Variants in BIRC6 observed in about 807,000 individuals in gnomAD.
BIRC6 encodes baculoviral IAP repeat containing 6.
Under a neutral mutation model 503.3 loss-of-function variants are expected in BIRC6, and 98 were observed. The ratio of observed to expected loss-of-function variants is 0.19; its 90% CI spans 0.17 to 0.23. BIRC6 has a LOEUF of 0.23. BIRC6 is among the 10% of genes least tolerant of loss of function. The pLI is 1.00. For synonymous variants in BIRC6, 2,240 were observed against 2,078.7 expected (o/e 1.08, Z -2.11); for missense variants, 5,360 against 5,806.0 (o/e 0.92, Z 2.50).
chr2:32,497,726 G>T (rs780048205), intron 45 of BIRC6, among the ~76,000 whole-genome samples: 8 of 152,014 alleles, frequency 5.3e-5, no homozygotes, highest in Non-Finnish European at 1.0e-4. Context: ...CTGGCTAGAA[G>T]TTCATCAATA....
chr2:32,547,952 G>A lies in BIRC6; in HGVS notation c.12913G>A (p.Asp4305Asn). The A allele has an allele frequency of 6.2e-7, 1 of 1,613,714 alleles. No individual in the cohort carries two copies. The highest frequency in any genetic ancestry group is 8.5e-7 in the Non-Finnish European group (1 of 1,179,758). The change falls in exon 64 of 74, where the codon GAT (aspartate) becomes AAT (asparagine). Residue 4305 changes from aspartate (D) to asparagine (N), a missense_variant. Asp to Asn is a conservative substitution (Grantham distance 23). This residue lies in a region of BIRC6 where 477 missense variants were observed against 574.4 expected (regional missense o/e 0.83). Coordinates refer to ENST00000421745, the MANE Select transcript of BIRC6 (RefSeq NM_016252.4). ...AACAGGCTCTACAGCTTCTGGGTGG[G>A]ATGTGGAACAAGCCTTAACTAAGCA... Reference protein sequence around the residue: ...FGTGSTASGWDVEQALTKQRL... With the variant: ...FGTGSTASGWNVEQALTKQRL...
At chr2:32,513,201 G>C (rs763677634) in intron 54 of BIRC6, 47 bp downstream of exon 54, 13 of 1,427,540 alleles carry the variant, frequency 9.1e-6, no homozygotes, top group East Asian at 2.3e-5. Flanking sequence ...TACTAGATCA[G>C]TTAGTGTTCA....
chr2:32,584,561 T>A (rs1050886328), intron 66 of BIRC6, among the ~76,000 whole-genome samples: 1 of 152,098 alleles, frequency 6.6e-6, no homozygotes, highest in Non-Finnish European at 1.5e-5. Context: ...AAAAGTTTTT[T>A]AAAACCTAAA....
intron 3 of BIRC6, among the ~76,000 whole-genome samples, chr2:32,380,768 AT>A (rs2149406727): frequency 6.6e-6 from 1 of 152,276 alleles, no homozygotes; most frequent in South Asian, 2.1e-4. Context: ...AAACTTCTTA[AT>A]CGAAGCTTAA....
At chr2:32,494,736 TA>T (rs973989734) in intron 45 of BIRC6, among the ~76,000 whole-genome samples, 4 of 149,168 alleles carry the variant, frequency 2.7e-5, no homozygotes, top group African/African-American at 7.4e-5. Context: ...ACCCCTTCTC[TA>T]AAAAAAAAGA....
At chr2:32,501,585 G>A in intron 46 of BIRC6, 128 bp from the exon 47 acceptor site, 2 of 637,386 alleles carry the variant, frequency 3.1e-6, no homozygotes, top group Non-Finnish European at 5.2e-6. Flanking sequence ...TGGCCAGGCT[G>A]GTTTTGAACT....
At chr2:32,604,037 A>G (rs1358387532) in intron 71 of BIRC6, among the ~76,000 whole-genome samples, 3 of 152,074 alleles carry the variant, frequency 2.0e-5, no homozygotes, top group Admixed American at 2.0e-4. Context: ...TTGATCAGAC[A>G]GTTCATGCTG....
Position 32,465,054 on chromosome 2 carries a change from C to G in BIRC6, c.5257-11C>G. 1 of 1,487,148 alleles carries G rather than the reference C, an allele frequency of 6.7e-7. No individual in the cohort carries two copies. Among genetic ancestry groups the G allele is most frequent in the Non-Finnish European group, 9.1e-7 (1 of 1,098,480 alleles). 92.1% of individuals were successfully genotyped at this position (1,487,148 alleles called of 1,614,324 possible). ...ATATAAAGTTAGATTTTTTTTTTTT[C>G]CCTGCTCTAGAATCCACTTGGTTCT... On this transcript the variant is annotated splice_polypyrimidine_tract_variant and intron_variant, in intron 25 of 73. Transcript: ENST00000421745.
chr2:32,358,833 C>A (rs1014476198), intron 1 of BIRC6, among the ~76,000 whole-genome samples: 1 of 152,078 alleles, frequency 6.6e-6, no homozygotes, highest in Admixed American at 6.6e-5. Context: ...GTAATTTTTT[C>A]TTTTCTTGGC....
chr2:32,511,813 C>G (rs1046553173), intron 53 of BIRC6, among the ~76,000 whole-genome samples: 11 of 151,718 alleles, frequency 7.3e-5, no homozygotes, highest in African/African-American at 2.4e-4. Flanking sequence ...TTATTAATAT[C>G]TTTATAAATT....
Position 32,463,348 on chromosome 2 carries a change from G to A in BIRC6, c.4908G>A (p.Glu1636=), listed in dbSNP as rs748895005. ...AGCAACAGCTACAGGTGCTGCAAGA[G>A]AAACAGCAGCAGCTTTTGAAGCTTC... ...SAEQQLQVLQ[E]KQQQLLKLQQ... The change falls in exon 24 of 74, where the codon GAG becomes GAA. Residue 1636 remains glutamate (E), a synonymous_variant. Transcript: ENST00000421745. The A allele has an allele frequency of 6.2e-7, 1 of 1,612,994 alleles. No homozygotes were observed. Among genetic ancestry groups the A allele is most frequent in the Admixed American group, 1.7e-5 (1 of 59,800 alleles).
rs143423734 is a variant in BIRC6 at position 32,460,180 on chromosome 2, A to G, written c.4754-3014A>G. On this transcript the variant is annotated intron_variant, in intron 23 of 73. Coordinates refer to ENST00000421745, the MANE Select transcript of BIRC6 (RefSeq NM_016252.4). ...TATGATATATCTGATATAGATATAT[A>G]TATCTCATATGTGATATATATCATA... 3.2e-3 allele frequency among the ~76,000 whole-genome samples: 443 copies of G among 138,824 alleles called. 3 individuals carry two copies. The highest frequency in any genetic ancestry group is 0.011 in the African/African-American group (400 of 37,608). The allele number at this position is 138,824 out of a possible 152,430, so 91.1% of individuals were successfully genotyped here.
At chr2:32,611,967 C>G (rs2062907617) in intron 73 of BIRC6, among the ~76,000 whole-genome samples, 1 of 152,166 alleles carries the variant, frequency 6.6e-6, no homozygotes, top group African/African-American at 2.4e-5. Context: ...CCTTGAACTC[C>G]TGGGCTCAAG....
intron 1 of BIRC6, among the ~76,000 whole-genome samples, chr2:32,369,958 ATATATATATATATATATATATATATATG>A (rs1465486858): frequency 0.15 from 10,962 of 71,008 alleles, 981 homozygotes; most frequent in Admixed American, 0.18. Context: ...ATATATATAT[ATATATATATATATATATATATATATATG>A]TATGTATGTA....
chr2:32,570,102 C>A (rs938520525), intron 65 of BIRC6, among the ~76,000 whole-genome samples: 1 of 151,986 alleles, frequency 6.6e-6, no homozygotes, highest in African/African-American at 2.4e-5. Flanking sequence ...TCCTTCTATG[C>A]CCAGTTTATT....
intron 16 of BIRC6, among the ~76,000 whole-genome samples, chr2:32,440,582 T>C (rs1373650073): frequency 6.6e-6 from 1 of 152,068 alleles, no homozygotes. Flanking sequence ...TCTTCCAGTT[T>C]TTCAAGGACT....
intron 23 of BIRC6, among the ~76,000 whole-genome samples, chr2:32,459,420 G>C (rs2047591883): frequency 6.6e-6 from 1 of 151,396 alleles, no homozygotes; most frequent in Admixed American, 6.6e-5. Flanking sequence ...TTTTGTTTTT[G>C]TTTTTTGGTC....
intron 4 of BIRC6, among the ~76,000 whole-genome samples, chr2:32,390,555 A>G (rs1027299822): frequency 3.3e-5 from 5 of 152,236 alleles, no homozygotes; most frequent in African/African-American, 1.2e-4. Context: ...CCTCAAGGTG[A>G]TCTACCCGTC....
chr2:32,509,061 G>T (rs1477785054), intron 51 of BIRC6, among the ~76,000 whole-genome samples: 1 of 149,238 alleles, frequency 6.7e-6, no homozygotes, highest in Non-Finnish European at 1.5e-5. Flanking sequence ...AGTGAACTCT[G>T]TCTTTAAAAA....
Sources: allele counts gnomAD v4.1 joint callset (sites outside exome capture counted in the v4.1 genomes callset), GRCh38; gene constraint gnomAD v4.1.1; regional missense constraint gnomAD v4.1.1; transcripts MANE v1.5; gene names NCBI Gene and HGNC (gene_info 2026-07-23, HGNC 2026-07-21).